The following FHIT variants were observed in gnomAD, a reference collection of about 807,000 sequenced individuals.
FHIT encodes fragile histidine triad diadenosine triphosphatase, also known as bis(5'-adenosyl)-triphosphatase.
In FHIT, 19 loss-of-function variants were observed where a neutral mutation model predicts 17.9. That is an observed-to-expected ratio of 1.06 (90% CI 0.74 to 1.56). FHIT has a LOEUF of 1.56. FHIT is among the 40% of genes most tolerant of loss of function. FHIT has a pLI of 0.00. For synonymous variants in FHIT, 81 were observed against 69.7 expected (o/e 1.16, Z -0.81); for missense variants, 248 against 189.2 (o/e 1.31, Z -1.82).
chr3:59,919,933 G>C (rs1705322316), intron 8 of FHIT, among the ~76,000 whole-genome samples: 1 of 152,138 alleles, frequency 6.6e-6, no homozygotes, highest in African/African-American at 2.4e-5. Context: ...TCTGGACACT[G>C]TGTTATTAGA....
chr3:60,107,096 C>T (rs1483659671), intron 5 of FHIT, among the ~76,000 whole-genome samples: 1 of 149,928 alleles, frequency 6.7e-6, no homozygotes, highest in African/African-American at 2.5e-5. Flanking sequence ...GCACTATTTT[C>T]CTAGGAAAAG....
chr3:60,311,571 A>G (rs1708949483), intron 5 of FHIT, among the ~76,000 whole-genome samples: 1 of 152,188 alleles, frequency 6.6e-6, no homozygotes, highest in African/African-American at 2.4e-5. Context: ...TATTTTAGTT[A>G]TACACTAACA....
At chr3:59,925,987 G>A (rs1397568971) in intron 7 of FHIT, among the ~76,000 whole-genome samples, 3 of 152,336 alleles carry the variant, frequency 2.0e-5, no homozygotes, top group South Asian at 2.1e-4. Context: ...AAGCTGTGGT[G>A]ATCACAACTT....
chr3:59,887,173 T>C (rs1165834342), intron 8 of FHIT, among the ~76,000 whole-genome samples: 1 of 152,184 alleles, frequency 6.6e-6, no homozygotes, highest in African/African-American at 2.4e-5. Flanking sequence ...CTAATTCACT[T>C]TTGACTTTAT....
intron 1 of FHIT, among the ~76,000 whole-genome samples, chr3:61,213,061 G>T (rs975009834): frequency 2.0e-5 from 3 of 152,156 alleles, no homozygotes; most frequent in Non-Finnish European, 2.9e-5. Flanking sequence ...ATGCCAAATT[G>T]TAAAGACCAT....
At chr3:60,537,096 T>G in intron 4 of FHIT, 117 bp from the exon 5 acceptor site, 1 of 807,500 alleles carries the variant, frequency 1.2e-6, no homozygotes, top group Non-Finnish European at 1.8e-6. Context: ...AGGATGCCAT[T>G]GAAATTGTTC....
intron 5 of FHIT, among the ~76,000 whole-genome samples, chr3:60,069,447 A>G (rs1702664850): frequency 6.6e-6 from 1 of 152,218 alleles, no homozygotes; most frequent in South Asian, 2.1e-4. Context: ...TTCTGACAAC[A>G]TATATTCATT....
At chr3:60,048,982 G>A (rs927897025) in intron 5 of FHIT, among the ~76,000 whole-genome samples, 1 of 151,998 alleles carries the variant, frequency 6.6e-6, no homozygotes, top group Non-Finnish European at 1.5e-5. Flanking sequence ...AACTGAGTTG[G>A]GCAAGCTCCT....
chr3:61,053,558 T>G (rs560489477), intron 2 of FHIT, among the ~76,000 whole-genome samples: 1 of 152,074 alleles, frequency 6.6e-6, no homozygotes, highest in Non-Finnish European at 1.5e-5. Context: ...CTCAAGAGGC[T>G]GAGGCAGGAG....
intron 7 of FHIT, among the ~76,000 whole-genome samples, chr3:59,987,405 T>C (rs1310554804): frequency 6.6e-6 from 1 of 151,860 alleles, no homozygotes; most frequent in Non-Finnish European, 1.5e-5. Context: ...TGTGTTTCTC[T>C]AAAGAGTTTT....
intron 2 of FHIT, among the ~76,000 whole-genome samples, chr3:61,183,514 T>A (rs1289876531): frequency 1.3e-5 from 2 of 152,224 alleles, no homozygotes; most frequent in Admixed American, 6.5e-5. Context: ...GCACTCTCTC[T>A]CTTAAAATGC....
rs569209978 is a variant in FHIT, at chr3:60,189,718, G to A, written c.104-175566C>T. Reference sequence around the variant, plus strand: ...GAATGTTTTAGTAATGACATGAATCGTTTTTCAGCTCTCTGACATTTACCC... The same window carrying A: ...GAATGTTTTAGTAATGACATGAATCATTTTTCAGCTCTCTGACATTTACCC... On this transcript the variant is annotated intron_variant, in intron 5 of 9. Coordinates refer to ENST00000492590, the MANE Select transcript of FHIT (RefSeq NM_002012.4). Among the ~76,000 whole-genome samples, 9 of 152,262 alleles carry A rather than the reference G, an allele frequency of 5.9e-5. No individual in the cohort carries two copies. The South Asian group carries it at 1.5e-3, about 25-fold the overall frequency.
At chr3:60,704,951 C>T (rs1264631317) in intron 4 of FHIT, among the ~76,000 whole-genome samples, 3 of 151,884 alleles carry the variant, frequency 2.0e-5, no homozygotes, top group African/African-American at 7.3e-5. Context: ...CACATGACTG[C>T]CACTCTGTCC....
At chr3:60,628,432 TA>T (rs1247962951) in intron 4 of FHIT, among the ~76,000 whole-genome samples, 2 of 152,236 alleles carry the variant, frequency 1.3e-5, no homozygotes, top group Non-Finnish European at 1.5e-5. Flanking sequence ...CTTTCTCTGA[TA>T]TTTCTGTTGT....
At chr3:60,588,757 T>C (rs2037987194) in intron 4 of FHIT, among the ~76,000 whole-genome samples, 1 of 152,052 alleles carries the variant, frequency 6.6e-6, no homozygotes, top group Non-Finnish European at 1.5e-5. Context: ...CAAGTGATCC[T>C]CTTGGCCTCA....
chr3:60,270,341 T>C (rs1706802111), intron 5 of FHIT, among the ~76,000 whole-genome samples: 2 of 152,178 alleles, frequency 1.3e-5, no homozygotes, highest in African/African-American at 4.8e-5. Flanking sequence ...TCACATACAA[T>C]CCCTATTTTG....
chr3:60,241,538 G>GT (rs1476625907), intron 5 of FHIT, among the ~76,000 whole-genome samples: 3 of 151,980 alleles, frequency 2.0e-5, no homozygotes, highest in Non-Finnish European at 2.9e-5. Context: ...TTAATCTGTA[G>GT]TTTTTTTGCT....
At chr3:60,504,127 T>C (rs537143358) in intron 5 of FHIT, among the ~76,000 whole-genome samples, 15 of 152,262 alleles carry the variant, frequency 9.9e-5, no homozygotes, top group African/African-American at 2.4e-4. Flanking sequence ...TAGCCACCAA[T>C]GTCAGTCACA....
intron 8 of FHIT, among the ~76,000 whole-genome samples, chr3:59,847,969 C>T (rs1701783047): frequency 6.6e-6 from 1 of 152,048 alleles, no homozygotes; most frequent in African/African-American, 2.4e-5. Flanking sequence ...AGGCATCAGC[C>T]CTTTAAATTC....
Sources: allele counts gnomAD v4.1 joint callset (sites outside exome capture counted in the v4.1 genomes callset), GRCh38; gene constraint gnomAD v4.1.1; transcripts MANE v1.5; gene names NCBI Gene and HGNC (gene_info 2026-07-23, HGNC 2026-07-21).